The following KIAA0319 variants were observed in gnomAD, a reference collection of about 807,000 sequenced individuals.
KIAA0319 encodes dyslexia-associated protein KIAA0319.
In KIAA0319, 83 loss-of-function variants were observed where a neutral mutation model predicts 108.4. The ratio of observed to expected loss-of-function variants is 0.77; its 90% CI spans 0.64 to 0.92. KIAA0319 has a LOEUF of 0.92. Ranked by LOEUF, KIAA0319 falls within the 40% of genes least tolerant of loss-of-function variation. The pLI, the probability that KIAA0319 is intolerant of heterozygous loss-of-function variation, is 0.00. For synonymous variants in KIAA0319, 484 were observed against 510.4 expected (o/e 0.95, Z 0.70); for missense variants, 1,195 against 1,322.4 (o/e 0.90, Z 1.49).
At position 24,563,499 on chromosome 6, in the gene KIAA0319, C is replaced by A; in HGVS notation, c.2451G>T (p.Leu817=). 1 of 1,611,540 alleles carries A rather than the reference C, an allele frequency of 6.2e-7. No homozygotes were observed. Among genetic ancestry groups the A allele is most frequent in the Non-Finnish European group, 8.5e-7 (1 of 1,179,446 alleles). ...EVQPDPRKSG[L]VELTLQVGVG... is the part of the protein sequence containing the mutation. ...CACCAACCTGCAGGGTCAGCTCCAC[C>A]AGGCCACTCTTCCTAGGGTCTGGGG... Residue 817 remains leucine (L), a synonymous_variant, in exon 16 of 21, where the codon CTG becomes CTT. Coordinates refer to ENST00000378214, the MANE Select transcript of KIAA0319 (RefSeq NM_014809.4).
Position 24,630,605 on chromosome 6 carries a change from A to T in KIAA0319, c.-106+15131T>A, listed in dbSNP as rs961297737. Among the ~76,000 whole-genome samples, 5 of 61,142 alleles carry T rather than the reference A, an allele frequency of 8.2e-5. No individual in the cohort carries two copies. In the African/African-American group the frequency reaches 1.1e-3, roughly 14 times the overall value. 40.1% of individuals were successfully genotyped at this position (61,142 alleles called of 152,430 possible). On this transcript the variant is annotated intron_variant, in intron 1 of 20. Coordinates refer to ENST00000378214, the MANE Select transcript of KIAA0319 (RefSeq NM_014809.4). The stretch of plus-strand genomic sequence containing the variant: ...TATAAATTGTACATTCCTAGAAAAA[A>T]ATTATAAATCGTGCCAACAAATGGC...
At chr6:24,606,946 C>G (rs1771495039) in intron 1 of KIAA0319, among the ~76,000 whole-genome samples, 1 of 152,222 alleles carries the variant, frequency 6.6e-6, no homozygotes, top group African/African-American at 2.4e-5. Context: ...ATGGAAGGAG[C>G]TGGGTCCTTG....
chr6:24,643,283 A>ATAGTGTC (rs1777197107), intron 1 of KIAA0319, among the ~76,000 whole-genome samples: 1 of 152,222 alleles, frequency 6.6e-6, no homozygotes, highest in African/African-American at 2.4e-5. Context: ...ATTCACATGA[A>ATAGTGTC]TAGTGTCTAA....
At chr6:24,612,689 A>T (rs1342538818) in intron 1 of KIAA0319, among the ~76,000 whole-genome samples, 1 of 152,224 alleles carries the variant, frequency 6.6e-6, no homozygotes, top group Non-Finnish European at 1.5e-5. Context: ...GGGGTGGGAA[A>T]AATATAAATA....
chr6:24,632,453 AG>A (rs1263278293), intron 1 of KIAA0319, among the ~76,000 whole-genome samples: 1 of 152,240 alleles, frequency 6.6e-6, no homozygotes, highest in African/African-American at 2.4e-5. Flanking sequence ...GGAATATAAA[AG>A]ATGAAAATGA....
chr6:24,636,915 C>T (rs768838536), intron 1 of KIAA0319, among the ~76,000 whole-genome samples: 9 of 152,166 alleles, frequency 5.9e-5, no homozygotes, highest in African/African-American at 1.4e-4. Flanking sequence ...CCAGCTTATA[C>T]ATTTCTAACA....
intron 1 of KIAA0319, among the ~76,000 whole-genome samples, chr6:24,633,448 C>T (rs578162883): frequency 3.9e-5 from 6 of 152,178 alleles, no homozygotes; most frequent in South Asian, 4.2e-4. Context: ...CAATATGTTA[C>T]GTTAACAGAG....
intron 8 of KIAA0319, among the ~76,000 whole-genome samples, chr6:24,579,006 A>G (rs1342141857): frequency 6.6e-6 from 1 of 152,210 alleles, no homozygotes; most frequent in African/African-American, 2.4e-5. Flanking sequence ...GGTCATGTCA[A>G]TGTGATCTCT....
chr6:24,624,023 T>C (rs944335799), intron 1 of KIAA0319, among the ~76,000 whole-genome samples: 5 of 138,696 alleles, frequency 3.6e-5, no homozygotes, highest in Admixed American at 7.2e-5. Context: ...TTTTCTTTTT[T>C]TTTTTTTTTT....
intron 1 of KIAA0319, among the ~76,000 whole-genome samples, chr6:24,642,960 G>A (rs1777160925): frequency 6.6e-6 from 1 of 152,118 alleles, no homozygotes; most frequent in Admixed American, 6.5e-5. Context: ...CGTCCATTTC[G>A]GACTCCCAAA....
At chr6:24,579,016 T>C (rs1023475343) in intron 8 of KIAA0319, among the ~76,000 whole-genome samples, 1 of 152,244 alleles carries the variant, frequency 6.6e-6, no homozygotes, top group African/African-American at 2.4e-5. Context: ...ATGTGATCTC[T>C]GTAAATTTGC....
chr6:24,639,846 T>TA (rs34542799), intron 1 of KIAA0319, among the ~76,000 whole-genome samples: 19,033 of 134,804 alleles, frequency 0.14, 1,418 homozygotes, highest in Non-Finnish European at 0.17. Context: ...GACTCCATCT[T>TA]AAAAAAAAAA....
At position 24,547,925 on chromosome 6, in the gene KIAA0319, T is replaced by C. The variant is rs534438340; in HGVS notation, c.3041-582A>G. Among the ~76,000 whole-genome samples the C allele has an allele frequency of 1.2e-4, 19 of 152,256 alleles. 1 individual carries two copies. In the East Asian group the frequency reaches 2.7e-3, roughly 22 times the overall value. On this transcript the variant is annotated intron_variant, in intron 20 of 20. Coordinates refer to ENST00000378214, the MANE Select transcript of KIAA0319 (RefSeq NM_014809.4). ...GCTCACGCCTATAATCCCAGCCCTT[T>C]GGGAGGCTGAGGTGGGAGGATCACT...
At chr6:24,557,302 G>T (rs1445392057) in intron 17 of KIAA0319, among the ~76,000 whole-genome samples, 1 of 152,096 alleles carries the variant, frequency 6.6e-6, no homozygotes, top group Non-Finnish European at 1.5e-5. Context: ...AGGAGTTTGA[G>T]ACCAGCCTGG....
At chr6:24,582,371 T>C (rs762053258) in intron 5 of KIAA0319, 25 bp from the exon 6 acceptor site, 2 of 1,399,338 alleles carry the variant, frequency 1.4e-6, no homozygotes, top group Admixed American at 1.7e-5. Flanking sequence ...TAAATATGAG[T>C]AGTTATAAAT....
chr6:24,602,693 C>G (rs893713278), intron 1 of KIAA0319, among the ~76,000 whole-genome samples: 1 of 151,944 alleles, frequency 6.6e-6, no homozygotes, highest in Non-Finnish European at 1.5e-5. Context: ...CCCAGCTACT[C>G]GGGAGGCTGA....
At position 24,599,667 on chromosome 6, in the gene KIAA0319, G is replaced by T; in HGVS notation, c.55+1382C>A. On this transcript the variant is annotated intron_variant, in intron 2 of 20. Coordinates refer to ENST00000378214, the MANE Select transcript of KIAA0319 (RefSeq NM_014809.4). This position sits in a 1 kb window ranked among gnomAD's most constrained non-coding sequence, Gnocchi z 4.1. ...CAGCTACAGCCTGGGCTCCAGCTTTGGCTCTGGCGGGTGCTCCAGCTCCTT... is the reference window on the plus strand; with the variant it reads ...CAGCTACAGCCTGGGCTCCAGCTTTTGCTCTGGCGGGTGCTCCAGCTCCTT... 1 of 613,322 alleles carries T rather than the reference G, an allele frequency of 1.6e-6. No homozygotes were observed. The highest frequency in any genetic ancestry group is 3.0e-6 in the Non-Finnish European group (1 of 330,822). The allele number at this position is 613,322 out of a possible 1,614,324, so 38.0% of individuals were successfully genotyped here.
At chr6:24,564,366 C>T (rs768679258) in intron 14 of KIAA0319, 26 bp from the exon 15 acceptor site, 1 of 1,613,158 alleles carries the variant, frequency 6.2e-7, no homozygotes, top group Non-Finnish European at 8.5e-7. Context: ...GATCACAGGG[C>T]AGCTGTCAAT....
At chr6:24,587,726 A>G (rs558769861) in intron 4 of KIAA0319, among the ~76,000 whole-genome samples, 3 of 152,234 alleles carry the variant, frequency 2.0e-5, no homozygotes, top group South Asian at 2.1e-4. Flanking sequence ...AGCTGGGGTT[A>G]CAGGTGTGTG....
Sources: gnomAD v4.1 joint callset for allele counts (sites outside exome capture counted in the v4.1 genomes callset) on GRCh38, gnomAD v4.1.1 for gene constraint, Gnocchi (gnomAD v3.1) non-coding constraint, MANE v1.5 for transcripts, NCBI Gene and HGNC (gene_info 2026-07-23, HGNC 2026-07-21) for gene names.